The following SHISA6 variants were observed in gnomAD, a reference collection of about 807,000 sequenced individuals.
SHISA6 encodes protein shisa-6.
In SHISA6, 22 loss-of-function variants were observed where a neutral mutation model predicts 47.9. That is an observed-to-expected ratio of 0.46 (90% CI 0.33 to 0.66). The LOEUF (loss-of-function observed/expected upper bound fraction) is 0.66, where lower values mean the gene tolerates loss of function less well. Among genes scored for constraint, SHISA6 ranks in the 30% least tolerant of loss-of-function variants. The pLI is 0.02. For synonymous variants in SHISA6, 388 were observed against 337.8 expected, an observed-to-expected ratio of 1.15 and a Z score of -1.63; for missense variants, 680 against 764.6, an observed-to-expected ratio of 0.89 and a Z score of 1.30.
chr17:11,433,447 G>A (rs1225509263), intron 3 of SHISA6, among the ~76,000 whole-genome samples: 1 of 152,160 alleles, frequency 6.6e-6, no homozygotes, highest in African/African-American at 2.4e-5. Context: ...ATTCCATGGT[G>A]TATTTGTGCC....
chr17:11,534,751 G>A (rs1469367947), intron 3 of SHISA6, among the ~76,000 whole-genome samples: 1 of 152,234 alleles, frequency 6.6e-6, no homozygotes, highest in East Asian at 1.9e-4. Context: ...CAGGGAGACA[G>A]AAACAAGATT....
chr17:11,279,717 G>A (rs369598469), intron 2 of SHISA6, among the ~76,000 whole-genome samples: 4 of 152,190 alleles, frequency 2.6e-5, no homozygotes, highest in Admixed American at 2.0e-4. Flanking sequence ...CCCAACTCCC[G>A]TGGTTGGGTA....
intron 3 of SHISA6, among the ~76,000 whole-genome samples, chr17:11,396,224 T>C (rs1447781628): frequency 6.6e-6 from 1 of 152,216 alleles, no homozygotes; most frequent in Non-Finnish European, 1.5e-5. Flanking sequence ...CTTGCAGTCT[T>C]GGAATAAATC....
chr17:11,510,127 A>T (rs1393237313), intron 3 of SHISA6, among the ~76,000 whole-genome samples: 1 of 151,360 alleles, frequency 6.6e-6, no homozygotes, highest in East Asian at 2.0e-4. Context: ...TGGTGGTCCC[A>T]GGCTGGAGAG....
chr17:11,524,519 T>TG (rs1393775066), intron 3 of SHISA6, among the ~76,000 whole-genome samples: 1 of 150,744 alleles, frequency 6.6e-6, no homozygotes, highest in African/African-American at 2.4e-5. Flanking sequence ...TTTTTTGAGA[T>TG]GGAGTTTTGC....
At chr17:11,362,996 A>C (rs1912336858) in intron 2 of SHISA6, among the ~76,000 whole-genome samples, 1 of 152,226 alleles carries the variant, frequency 6.6e-6, no homozygotes, top group Admixed American at 6.5e-5. Context: ...CCCACTGCTG[A>C]AATGGATACC....
chr17:11,484,541 C>T (rs1020792609), intron 3 of SHISA6, among the ~76,000 whole-genome samples: 1 of 152,150 alleles, frequency 6.6e-6, no homozygotes, highest in South Asian at 2.1e-4. Context: ...GCTGGGATTA[C>T]AGGCATGCAC....
chr17:11,295,798 C>T (rs1909731332), intron 2 of SHISA6, among the ~76,000 whole-genome samples: 1 of 151,874 alleles, frequency 6.6e-6, no homozygotes, highest in African/African-American at 2.4e-5. Context: ...CCCGTCTCTA[C>T]TAAAAATACA....
intron 2 of SHISA6, among the ~76,000 whole-genome samples, chr17:11,344,737 T>C (rs1911641101): frequency 6.6e-6 from 1 of 152,194 alleles, no homozygotes; most frequent in Non-Finnish European, 1.5e-5. Flanking sequence ...CAAATCAGGG[T>C]AATTAGCATA....
chr17:11,412,697 G>T (rs533741784), intron 3 of SHISA6, among the ~76,000 whole-genome samples: 3 of 151,886 alleles, frequency 2.0e-5, no homozygotes, highest in Non-Finnish European at 4.4e-5. Context: ...ACCGGCCACC[G>T]TGCCGGGCTA....
intron 4 of SHISA6, among the ~76,000 whole-genome samples, chr17:11,554,667 A>C (rs2071959855): frequency 6.6e-6 from 1 of 152,154 alleles, no homozygotes; most frequent in African/African-American, 2.4e-5. Context: ...ATAGCCTTCC[A>C]ACTGCCTCAC....
intron 3 of SHISA6, among the ~76,000 whole-genome samples, chr17:11,432,761 C>T (rs972226071): frequency 1.3e-5 from 2 of 151,746 alleles, no homozygotes; most frequent in African/African-American, 4.8e-5. Context: ...AGCTTGAACA[C>T]ATTATGCAAA....
chr17:11,387,702 T>A (rs1379229986), intron 3 of SHISA6, among the ~76,000 whole-genome samples: 1 of 152,046 alleles, frequency 6.6e-6, no homozygotes, highest in Admixed American at 6.5e-5. Context: ...AGTGTGACTT[T>A]GGGAAATAAC....
At chr17:11,529,799 T>C (rs1397980162) in intron 3 of SHISA6, among the ~76,000 whole-genome samples, 1 of 152,136 alleles carries the variant, frequency 6.6e-6, no homozygotes, top group African/African-American at 2.4e-5. Context: ...CCTTTATATA[T>C]AGGAGTCTCT....
At chr17:11,473,699 T>C (rs1915980684) in intron 3 of SHISA6, among the ~76,000 whole-genome samples, 1 of 152,180 alleles carries the variant, frequency 6.6e-6, no homozygotes, top group Non-Finnish European at 1.5e-5. Context: ...GACAAATGGA[T>C]AACCTCTTTC....
intron 3 of SHISA6, among the ~76,000 whole-genome samples, chr17:11,413,800 G>C (rs905220246): frequency 6.6e-6 from 1 of 152,102 alleles, no homozygotes; most frequent in Non-Finnish European, 1.5e-5. Flanking sequence ...GCCTCCTTCT[G>C]TTGGCCAAAG....
intron 2 of SHISA6, among the ~76,000 whole-genome samples, chr17:11,336,037 TAA>T (rs11376405): frequency 4.2e-5 from 6 of 143,762 alleles, no homozygotes; most frequent in African/African-American, 1.5e-4. Context: ...CGTCTCTACT[TAA>T]AAAAAAAAAA....
intron 2 of SHISA6, among the ~76,000 whole-genome samples, chr17:11,341,727 G>A (rs1911537074): frequency 6.6e-6 from 1 of 152,116 alleles, no homozygotes; most frequent in Admixed American, 6.5e-5. Flanking sequence ...AATGCCAACA[G>A]CCTGGCTGCA....
chr17:11,377,836 C>T lies in SHISA6; in HGVS notation c.800-1578C>T, dbSNP rs548681381. On this transcript the variant is annotated intron_variant, in intron 2 of 5. Coordinates refer to ENST00000441885, the MANE Select transcript of SHISA6 (RefSeq NM_207386.4). ...CTTTAAAAATATACCTGCCTAAGCCCGGACCCCACTCAATTGAATCAGAAT... is the reference window on the plus strand; with the variant it reads ...CTTTAAAAATATACCTGCCTAAGCCTGGACCCCACTCAATTGAATCAGAAT... 2.6e-5 allele frequency among the ~76,000 whole-genome samples: 4 copies of T among 152,270 alleles called. No individual in the cohort carries two copies. The East Asian group carries it at 7.7e-4, about 29-fold the overall frequency.
Sources: gnomAD v4.1 joint callset for allele counts (sites outside exome capture counted in the v4.1 genomes callset) on GRCh38, gnomAD v4.1.1 for gene constraint, MANE v1.5 for transcripts, NCBI Gene and HGNC (gene_info 2026-07-23, HGNC 2026-07-21) for gene names.